The following OPCML variants were observed in gnomAD, a reference collection of about 807,000 sequenced individuals.
The protein encoded by OPCML is opioid binding protein/cell adhesion molecule like.
In OPCML, 13 loss-of-function variants were observed where a neutral mutation model predicts 37.8. The observed-to-expected ratio is 0.34, with a 90% confidence interval of 0.22 to 0.55. The LOEUF is 0.55. Among genes scored for constraint, OPCML ranks in the 20% least tolerant of loss-of-function variants. The pLI is 0.91. For synonymous variants in OPCML, 176 were observed against 168.8 expected (o/e 1.04, Z -0.33); for missense variants, 341 against 435.6 (o/e 0.78, Z 1.93).
At chr11:133,202,802 A>G (rs1469352763) in intron 1 of OPCML, among the ~76,000 whole-genome samples, 1 of 152,200 alleles carries the variant, frequency 6.6e-6, no homozygotes, top group African/African-American at 2.4e-5. Context: ...GCTTCATCTC[A>G]CAGACATCTC....
intron 2 of OPCML, among the ~76,000 whole-genome samples, chr11:132,895,206 T>A (rs75029736): frequency 0.048 from 7,253 of 152,294 alleles, 367 homozygotes; most frequent in African/African-American, 0.13. Flanking sequence ...GTACATTTGG[T>A]ACTTTTAATT....
chr11:133,426,213 C>T (rs1191942990), intron 1 of OPCML, among the ~76,000 whole-genome samples: 2 of 152,196 alleles, frequency 1.3e-5, no homozygotes, highest in Non-Finnish European at 2.9e-5. Flanking sequence ...CACTCTGTTA[C>T]ACTCAGACCA....
chr11:133,158,712 A>AAAAATAAAATAAAATAAAATAAAAT (rs560451941), intron 1 of OPCML, among the ~76,000 whole-genome samples: 7 of 134,204 alleles, frequency 5.2e-5, no homozygotes, highest in East Asian at 2.1e-4. Flanking sequence ...ATAAAATTAA[A>AAAAATAAAATAAAATAAAATAAAAT]AAAATAAAAT....
At chr11:133,132,857 C>CA (rs5795819) in intron 1 of OPCML, among the ~76,000 whole-genome samples, 3,139 of 137,758 alleles carry the variant, frequency 0.023, 85 homozygotes, top group African/African-American at 0.068. Context: ...CAAAGGGAAG[C>CA]AAAAAAAAAA....
At position 132,721,950 on chromosome 11, in the gene OPCML, C is replaced by CTTTTTTT. The variant is rs34325848; in HGVS notation, c.147-64638_147-64632dup. On this transcript the variant is annotated intron_variant, in intron 2 of 7. Transcript: ENST00000524381. Reference sequence around the variant, plus strand: ...GGGAATGTATTTTTTCTTTCCTTCCCTTTTTTTTTTTTTTTTTTTTTTTGA... The same window carrying CTTTTTTT: ...GGGAATGTATTTTTTCTTTCCTTCCCTTTTTTTTTTTTTTTTTTTTTTTTTTTTTTGA... Among the ~76,000 whole-genome samples the CTTTTTTT allele has an allele frequency of 1.2e-3, 101 of 82,786 alleles. 1 individual carries two copies. Among genetic ancestry groups the CTTTTTTT allele is most frequent in the South Asian group, 4.2e-3 (8 of 1,900 alleles). 54.3% of individuals were successfully genotyped at this position (82,786 alleles called of 152,430 possible).
At chr11:132,512,590 T>C (rs78876506) in intron 4 of OPCML, among the ~76,000 whole-genome samples, 31,691 of 151,798 alleles carry the variant, frequency 0.21, 3,405 homozygotes, top group Non-Finnish European at 0.23. Flanking sequence ...AACAAGAGTA[T>C]ATGTTCTAAA....
At chr11:132,479,469 G>A (rs2096170371) in intron 4 of OPCML, among the ~76,000 whole-genome samples, 1 of 152,220 alleles carries the variant, frequency 6.6e-6, no homozygotes, top group Admixed American at 6.5e-5. Context: ...CCATTGCCCA[G>A]GCTTGCTTAG....
rs150645243 is a variant in OPCML, at chr11:133,444,508, A to G, written c.61+87756T>C. On this transcript the variant is annotated intron_variant, in intron 1 of 7. Transcript: ENST00000524381. ...GAAAAAATGTTAGAAGAAGATTGCTAAATCAAATATAAAACTGGTTAATGT... is the reference window on the plus strand; with the variant it reads ...GAAAAAATGTTAGAAGAAGATTGCTGAATCAAATATAAAACTGGTTAATGT... Among the ~76,000 whole-genome samples, 414 of 152,310 alleles carry G rather than the reference A, an allele frequency of 2.7e-3. 2 individuals are homozygous for G. The highest frequency in any genetic ancestry group is 3.9e-3 in the Admixed American group (60 of 15,298).
At chr11:133,221,868 C>A (rs1939845801) in intron 1 of OPCML, among the ~76,000 whole-genome samples, 1 of 152,186 alleles carries the variant, frequency 6.6e-6, no homozygotes, top group Admixed American at 6.5e-5. Context: ...TTCAACAATT[C>A]TCGATTATCA....
chr11:133,499,874 A>AT (rs778116200), intron 1 of OPCML, among the ~76,000 whole-genome samples: 1,379 of 120,222 alleles, frequency 0.011, 25 homozygotes, highest in African/African-American at 0.033. Flanking sequence ...ATATATATAT[A>AT]TTTTTTTTTT....
intron 1 of OPCML, among the ~76,000 whole-genome samples, chr11:133,052,884 A>C (rs1948157012): frequency 6.6e-6 from 1 of 152,210 alleles, no homozygotes; most frequent in Admixed American, 6.5e-5. Flanking sequence ...GATCCTAATT[A>C]CACCATTTGA....
intron 2 of OPCML, among the ~76,000 whole-genome samples, chr11:132,852,563 G>A (rs776150393): frequency 6.6e-6 from 1 of 151,910 alleles, no homozygotes; most frequent in Admixed American, 6.6e-5. Context: ...GCACCAAACT[G>A]TATCTGTCGG....
At chr11:132,571,298 T>G (rs2096437854) in intron 3 of OPCML, among the ~76,000 whole-genome samples, 1 of 152,104 alleles carries the variant, frequency 6.6e-6, no homozygotes, top group African/African-American at 2.4e-5. Flanking sequence ...CACTACTGGC[T>G]TCTTTCTTCC....
At chr11:133,054,599 G>A (rs181805795) in intron 1 of OPCML, among the ~76,000 whole-genome samples, 203 of 152,280 alleles carry the variant, frequency 1.3e-3, no homozygotes, top group South Asian at 0.011. Context: ...GGGCATAGAC[G>A]AAACACTTAC....
In OPCML at chr11:133,205,323, C is replaced by A. The variant is rs975286416; in HGVS notation, c.62-262313G>T. Among the ~76,000 whole-genome samples, 5 of 152,192 alleles carry A rather than the reference C, an allele frequency of 3.3e-5. No homozygotes were observed. On this transcript the variant is annotated intron_variant, in intron 1 of 7. Transcript: ENST00000524381. The surrounding 1 kb of genome is among the most constrained non-coding windows in gnomAD (Gnocchi z 4.8). ...CACCCCTCCCCGCTGCCTTGCCCCACACACCTCTTCCAGCCGGCTGCTCCC... is the reference window on the plus strand; with the variant it reads ...CACCCCTCCCCGCTGCCTTGCCCCAAACACCTCTTCCAGCCGGCTGCTCCC...
At chr11:132,745,860 C>T (rs1309453360) in intron 2 of OPCML, among the ~76,000 whole-genome samples, 1 of 152,156 alleles carries the variant, frequency 6.6e-6, no homozygotes, top group African/African-American at 2.4e-5. Context: ...AGAAACATAG[C>T]AATAGAAGCT....
At chr11:133,253,338 C>A (rs1049495203) in intron 1 of OPCML, among the ~76,000 whole-genome samples, 2 of 151,980 alleles carry the variant, frequency 1.3e-5, no homozygotes, top group African/African-American at 4.8e-5. Flanking sequence ...AAGACAGAAT[C>A]TTGCTCTGTC....
intron 1 of OPCML, among the ~76,000 whole-genome samples, chr11:133,184,888 G>C (rs1018483333): frequency 6.6e-6 from 1 of 152,176 alleles, no homozygotes; most frequent in Non-Finnish European, 1.5e-5. Flanking sequence ...ACGTTTTCTA[G>C]TCTCATCCTA....
chr11:133,080,026 G>T (rs184538093), intron 1 of OPCML, among the ~76,000 whole-genome samples: 3,374 of 152,284 alleles, frequency 0.022, 105 homozygotes, highest in African/African-American at 0.075. Flanking sequence ...TAGCAGAAGT[G>T]TGTAGAGAGT....
Sources: gnomAD v4.1 joint callset for allele counts (sites outside exome capture counted in the v4.1 genomes callset) on GRCh38, gnomAD v4.1.1 for gene constraint, Gnocchi (gnomAD v3.1) non-coding constraint, MANE v1.5 for transcripts, NCBI Gene and HGNC (gene_info 2026-07-23, HGNC 2026-07-21) for gene names.